Variants in DNM3 observed in about 807,000 individuals in gnomAD.
DNM3 encodes dynamin 3.
A neutral mutation model predicts 101.6 loss-of-function variants in DNM3; 47 were observed. The observed-to-expected ratio is 0.46, with a 90% CI of 0.37 to 0.59. DNM3 has a LOEUF of 0.59. DNM3 is among the 20% of genes least tolerant of loss of function. The probability of loss-of-function intolerance (pLI) is 0.00; values close to 1 mark genes in which losing one functional copy is unlikely to be tolerated. For missense variants in DNM3, 849 were observed against 1,085.7 expected, an observed-to-expected ratio of 0.78 and a Z score of 3.06; for synonymous variants, 385 against 387.9, an observed-to-expected ratio of 0.99 and a Z score of 0.09.
At chr1:171,962,067 T>C (rs1237048536) in intron 2 of DNM3, among the ~76,000 whole-genome samples, 3 of 152,170 alleles carry the variant, frequency 2.0e-5, no homozygotes, top group Admixed American at 6.6e-5. Flanking sequence ...AGTTTGCTAA[T>C]GTATTTGCTC....
intron 13 of DNM3, among the ~76,000 whole-genome samples, chr1:172,107,155 C>G (rs1450978124): frequency 1.3e-5 from 2 of 151,926 alleles, no homozygotes; most frequent in Non-Finnish European, 2.9e-5. Flanking sequence ...CCACCGCGCC[C>G]GGCCGGTAAC....
intron 14 of DNM3, among the ~76,000 whole-genome samples, chr1:172,164,826 T>C (rs1401826771): frequency 6.6e-6 from 1 of 151,872 alleles, no homozygotes. Flanking sequence ...GTGGGAGTGG[T>C]TTTAAAGGAC....
intron 14 of DNM3, among the ~76,000 whole-genome samples, chr1:172,161,656 A>G (rs550511967): frequency 7.2e-5 from 11 of 152,044 alleles, no homozygotes; most frequent in Non-Finnish European, 1.2e-4. Context: ...TGGGGGCCTG[A>G]GGAGGACTTT....
At chr1:171,898,711 G>T (rs1281667629) in intron 1 of DNM3, among the ~76,000 whole-genome samples, 2 of 151,328 alleles carry the variant, frequency 1.3e-5, no homozygotes, top group East Asian at 1.9e-4. Context: ...TATATAGAGA[G>T]AGAGAGAGAA....
intron 14 of DNM3, among the ~76,000 whole-genome samples, chr1:172,246,912 A>C (rs2061976037): frequency 6.6e-6 from 1 of 152,192 alleles, no homozygotes; most frequent in Non-Finnish European, 1.5e-5. Flanking sequence ...GCCACAATGC[A>C]TCAAAGAAAA....
At chr1:172,106,395 TG>T (rs1489756246) in intron 13 of DNM3, among the ~76,000 whole-genome samples, 5 of 151,824 alleles carry the variant, frequency 3.3e-5, no homozygotes, top group African/African-American at 1.2e-4. Flanking sequence ...TACTCCAGCC[TG>T]GGAGACAGAG....
At chr1:172,107,396 G>GA (rs11298588) in intron 13 of DNM3, among the ~76,000 whole-genome samples, 68 of 148,062 alleles carry the variant, frequency 4.6e-4, no homozygotes, top group Non-Finnish European at 6.2e-4. Flanking sequence ...GTGGAATGTG[G>GA]AAAAAAAAAA....
At chr1:172,323,513 G>A (rs2065816697) in intron 17 of DNM3, among the ~76,000 whole-genome samples, 173 bp downstream of exon 17, 1 of 152,088 alleles carries the variant, frequency 6.6e-6, no homozygotes, top group African/African-American at 2.4e-5. Flanking sequence ...CTACCATAAT[G>A]GCTGTTCCGT....
At chr1:171,879,264 A>G (rs972294001) in intron 1 of DNM3, among the ~76,000 whole-genome samples, 5 of 152,232 alleles carry the variant, frequency 3.3e-5, no homozygotes, top group African/African-American at 1.2e-4. Flanking sequence ...ATATCAAATC[A>G]TCACAAGTTT....
At chr1:172,048,591 T>C (rs372580652) in intron 9 of DNM3, 21 bp from the exon 10 acceptor site, 2 of 1,586,870 alleles carry the variant, frequency 1.3e-6, no homozygotes, top group African/African-American at 1.4e-5. Flanking sequence ...TCTCATGGGC[T>C]GCTTGCTTTC....
In DNM3 at chr1:171,841,667, G is replaced by T. The variant is rs754725721; in HGVS notation, c.11G>T (p.Arg4Leu). 6 of 1,610,976 alleles carry T rather than the reference G, an allele frequency of 3.7e-6. No homozygotes were observed. The Admixed American group carries it at 1.0e-4, about 27-fold the overall frequency. Residue 4 changes from arginine (R) to leucine (L), a missense_variant, in exon 1 of 21, where the codon CGG (arginine) becomes CTG (leucine). Physicochemically the swap from Arg to Leu is moderately radical, Grantham distance 102 (BLOSUM62 -2). Transcript: ENST00000627582. Reference protein sequence around the residue: MGNREMEELIPLVN... With the variant: MGNLEMEELIPLVN... ...GGCCCCTCGGGCAAGATGGGGAACCGGGAGATGGAGGAGCTGATCCCGCTG... is the reference window on the plus strand; with the variant it reads ...GGCCCCTCGGGCAAGATGGGGAACCTGGAGATGGAGGAGCTGATCCCGCTG...
intron 2 of DNM3, among the ~76,000 whole-genome samples, chr1:171,939,568 G>A (rs2041678307): frequency 6.6e-6 from 1 of 152,076 alleles, no homozygotes; most frequent in Admixed American, 6.6e-5. Flanking sequence ...AGAAAGACAA[G>A]TTCCTTAGTT....
In DNM3 at chr1:172,170,503, GA is replaced by G. The variant is rs1371599017; in HGVS notation, c.1659+39219del. ...ATATCTATAAAATGTGAATGTGAAT[GA>G]AAATAGGATTAAATGAGTTAATGTG... On this transcript the variant is annotated intron_variant, in intron 14 of 20. Transcript: ENST00000627582. Among the ~76,000 whole-genome samples, 3 of 151,852 alleles carry G rather than the reference GA, an allele frequency of 2.0e-5. No homozygotes were observed. The East Asian group carries it at 5.8e-4, about 29-fold the overall frequency.
intron 15 of DNM3, among the ~76,000 whole-genome samples, chr1:172,279,079 C>G (rs7550558): frequency 0.31 from 47,621 of 151,974 alleles, 7,987 homozygotes; most frequent in African/African-American, 0.45. Context: ...GTTGAGGAAA[C>G]GATTGATGCT....
chr1:172,163,539 A>G (rs1411806607), intron 14 of DNM3, among the ~76,000 whole-genome samples: 1 of 151,916 alleles, frequency 6.6e-6, no homozygotes, highest in Non-Finnish European at 1.5e-5. Context: ...TGCCTGGCCA[A>G]TATTCTTAAC....
intron 14 of DNM3, among the ~76,000 whole-genome samples, chr1:172,161,911 T>G (rs937118383): frequency 6.6e-6 from 1 of 152,092 alleles, no homozygotes; most frequent in Non-Finnish European, 1.5e-5. Flanking sequence ...CTTTCAGTGA[T>G]TGTCTTTTTA....
At position 172,411,538 on chromosome 1, in the gene DNM3, TAA is replaced by T. The variant is rs57654638; in HGVS notation, c.*3711_*3712del. ...AGTCATTTTTCCTCTATGGTAGAAGTAAAAAAAAAAAAAAAGGACATAGCAAC... is the reference window on the plus strand; with the variant it reads ...AGTCATTTTTCCTCTATGGTAGAAGTAAAAAAAAAAAAAGGACATAGCAAC... On this transcript the variant is annotated 3_prime_UTR_variant, in exon 21 of 21. Transcript: ENST00000627582. 4,667 of 891,026 alleles carry T rather than the reference TAA, an allele frequency of 5.2e-3. No individual in the cohort carries two copies. Among genetic ancestry groups the T allele is most frequent in the Non-Finnish European group, 5.6e-3 (4,244 of 756,208 alleles). 55.2% of individuals were successfully genotyped at this position (891,026 alleles called of 1,614,324 possible). A position where few individuals can be genotyped will look rare whatever the true frequency, so the allele number is the denominator to read the frequency against.
At chr1:171,882,311 C>T (rs568689996) in intron 1 of DNM3, among the ~76,000 whole-genome samples, 41 of 144,448 alleles carry the variant, frequency 2.8e-4, no homozygotes, top group Non-Finnish European at 6.1e-4. Context: ...CCATTGCACT[C>T]CAGTCTGGGC....
intron 2 of DNM3, among the ~76,000 whole-genome samples, chr1:171,934,216 G>A (rs1163933734): frequency 6.6e-6 from 1 of 152,146 alleles, no homozygotes; most frequent in East Asian, 1.9e-4. Context: ...AAATAGGTGT[G>A]TAATTTTCTT....
Sources: allele counts gnomAD v4.1 joint callset (sites outside exome capture counted in the v4.1 genomes callset), GRCh38; gene constraint gnomAD v4.1.1; transcripts MANE v1.5; gene names NCBI Gene and HGNC (gene_info 2026-07-23, HGNC 2026-07-21).